The following PPP1CC variants were observed in gnomAD, a reference collection of about 807,000 sequenced individuals.
PPP1CC encodes serine/threonine-protein phosphatase PP1-gamma catalytic subunit.
In PPP1CC, 16 loss-of-function variants were observed where a neutral mutation model predicts 38.4. The observed-to-expected ratio is 0.42, with a 90% CI of 0.28 to 0.63. PPP1CC has a LOEUF of 0.63. PPP1CC is among the 30% of genes least tolerant of loss of function. PPP1CC has a pLI of 0.25. For synonymous variants in PPP1CC, 158 were observed against 136.0 expected, an observed-to-expected ratio of 1.16 and a Z score of -1.13; for missense variants, 170 against 391.3, an observed-to-expected ratio of 0.43 and a Z score of 4.77.
At chr12:110,708,435 T>C in the PPP1CC span, among the ~76,000 whole-genome samples, 1 of 152,120 alleles carries the variant, frequency 6.6e-6, no homozygotes, top group Non-Finnish European at 1.5e-5. Context: ...ACAATGAAAA[T>C]ATTACAGTTA....
chr12:110,721,341 C>T (rs967948543), intron 6 of PPP1CC, 176 bp from the exon 7 acceptor site: 12 of 534,982 alleles, frequency 2.2e-5, no homozygotes, highest in South Asian at 6.9e-5. Context: ...TGGTAATTAA[C>T]GCTATGACGA....
intron 1 of PPP1CC, among the ~76,000 whole-genome samples, chr12:110,736,097 AAAACAAAC>A (rs140070828): frequency 1.3e-5 from 2 of 150,308 alleles, no homozygotes; most frequent in African/African-American, 4.9e-5. Flanking sequence ...ACTCCGTCTC[AAAACAAAC>A]AAACAAACAA....
At chr12:110,709,653 C>G in the PPP1CC span, among the ~76,000 whole-genome samples, 1 of 151,106 alleles carries the variant, frequency 6.6e-6, no homozygotes, top group African/African-American at 2.4e-5. Flanking sequence ...TTGCCTCCCT[C>G]GTTCAAGTGA....
intron 1 of PPP1CC, among the ~76,000 whole-genome samples, chr12:110,742,373 G>C (rs1389916322): frequency 6.6e-6 from 1 of 152,154 alleles, no homozygotes; most frequent in Non-Finnish European, 1.5e-5. Context: ...GAAACGTGGG[G>C]GTGGGGAGCG....
At chr12:110,713,434 T>C in the PPP1CC span, among the ~76,000 whole-genome samples, 2 of 152,140 alleles carry the variant, frequency 1.3e-5, no homozygotes, top group Admixed American at 6.5e-5. Context: ...TGCCTGGCCA[T>C]GTGTTGACTT....
In PPP1CC at chr12:110,722,976, T is replaced by C. The variant is rs1016385387; in HGVS notation, c.524-281A>G. On this transcript the variant is annotated intron_variant, in intron 4 of 6. Transcript: ENST00000335007. The surrounding 1 kb of genome is among the most constrained non-coding windows in gnomAD (Gnocchi z 5.4). ...CAGAACACTGTAAAATAAAATCCAGTGATTTAAAAAACTCTTCTATGGGCT... is the reference window on the plus strand; with the variant it reads ...CAGAACACTGTAAAATAAAATCCAGCGATTTAAAAAACTCTTCTATGGGCT... Among the ~76,000 whole-genome samples, 10 of 152,352 alleles carry C rather than the reference T, an allele frequency of 6.6e-5. No homozygotes were observed. Among genetic ancestry groups the C allele is most frequent in the African/African-American group, 2.2e-4 (9 of 41,580 alleles).
intron 3 of PPP1CC, 49 bp from the exon 4 acceptor site, chr12:110,724,813 C>T (rs891359698): frequency 2.2e-5 from 25 of 1,120,276 alleles, no homozygotes; most frequent in Non-Finnish European, 3.4e-5. Context: ...ATTACTGTTC[C>T]GTAGGCTCAT....
chr12:110,722,322 A>C lies in PPP1CC; in HGVS notation c.748-53T>G. 1 of 1,597,400 alleles carries C rather than the reference A, an allele frequency of 6.3e-7. No homozygotes were observed. Among genetic ancestry groups the C allele is most frequent in the Non-Finnish European group, 8.6e-7 (1 of 1,168,244 alleles). ...ATAGGTGCAAATATTAGGTGAGTAA[A>C]ACCATGTTTCAGTTTCCCATTGAGC... is the stretch of plus-strand genomic sequence containing the variant. On this transcript the variant is annotated intron_variant, in intron 5 of 6. Transcript: ENST00000335007. The surrounding 1 kb of genome is among the most constrained non-coding windows in gnomAD (Gnocchi z 5.4).
rs76017463 is a variant in PPP1CC, at chr12:110,720,777, T to C, written c.*299A>G. On this transcript the variant is annotated 3_prime_UTR_variant, in exon 7 of 7. Transcript: ENST00000335007. ...GTACTGAATTAAAAAAGATCAATTG[T>C]ACACTTACTCCTCAGACAGGATAAA... 8.0e-3 allele frequency: 2,103 copies of C among 263,218 alleles called. 13 individuals are homozygous for C. The highest frequency in any genetic ancestry group is 0.012 in the Admixed American group (236 of 20,220). 16.3% of individuals were successfully genotyped at this position (263,218 alleles called of 1,614,324 possible).
chr12:110,725,069 A>C (rs1243014874), intron 3 of PPP1CC: 4 of 188,010 alleles, frequency 2.1e-5, no homozygotes, highest in Non-Finnish European at 2.2e-5. Flanking sequence ...TTAAAGAAAG[A>C]CTCTCCTAGA....
intron 1 of PPP1CC, chr12:110,732,194 C>T (rs1319764197): frequency 3.2e-5 from 15 of 470,664 alleles, no homozygotes; most frequent in East Asian, 1.3e-4. Context: ...CAATGGCTCA[C>T]GCTTGTAATC....
chr12:110,732,991 T>A (rs544997976), intron 1 of PPP1CC: 2 of 152,036 alleles, frequency 1.3e-5, no homozygotes, highest in Admixed American at 1.3e-4. Flanking sequence ...GATAAAAATA[T>A]TATACAACAA....
At chr12:110,716,647 C>T (rs893228489), downstream of PPP1CC, among the ~76,000 whole-genome samples, 1 of 152,170 alleles carries the variant, frequency 6.6e-6, no homozygotes, top group African/African-American at 2.4e-5. Flanking sequence ...AGCCACTGCA[C>T]CCAGCCTAGT....
At chr12:110,715,827 C>T (rs1593567295), downstream of PPP1CC, among the ~76,000 whole-genome samples, 3 of 151,496 alleles carry the variant, frequency 2.0e-5, no homozygotes. Context: ...CTCCATGTTG[C>T]CCAGTCTGGT....
chr12:110,732,716 G>A (rs1401743141), intron 1 of PPP1CC: 1 of 152,196 alleles, frequency 6.6e-6, no homozygotes, highest in Non-Finnish European at 1.5e-5. Context: ...AGATAATAAT[G>A]GGAGAAAGAA....
At chr12:110,717,618 G>A (rs556736538), downstream of PPP1CC, among the ~76,000 whole-genome samples, 2 of 151,696 alleles carry the variant, frequency 1.3e-5, no homozygotes, top group African/African-American at 4.8e-5. Context: ...GGATGGTCTC[G>A]ATCTCCTGAC....
chr12:110,724,776 AAG>A lies in PPP1CC; in HGVS notation c.419-14_419-13del, dbSNP rs746568040. 6.8e-6 allele frequency: 10 copies of A among 1,463,652 alleles called. No individual in the cohort carries two copies. The highest frequency in any genetic ancestry group is 2.8e-5 in the African/African-American group (2 of 71,842). The allele number at this position is 1,463,652 out of a possible 1,614,324, so 90.7% of individuals were successfully genotyped here. ...GTATCTTCTTTTACCTGTGATTAAAAAGAGAGTATTACATTAAAAAGAGAGTA... is the reference window on the plus strand; with the variant it reads ...GTATCTTCTTTTACCTGTGATTAAAAAGAGTATTACATTAAAAAGAGAGTA... On this transcript the variant is annotated splice_polypyrimidine_tract_variant and intron_variant, in intron 3 of 6. Transcript: ENST00000335007.
At chr12:110,740,044 G>C (rs1286036890) in intron 1 of PPP1CC, among the ~76,000 whole-genome samples, 1 of 152,156 alleles carries the variant, frequency 6.6e-6, no homozygotes, top group African/African-American at 2.4e-5. Flanking sequence ...GAGAAGAAAA[G>C]AACTGCAAAG....
At chr12:110,725,047 G>A in intron 3 of PPP1CC, 1 of 212,162 alleles carries the variant, frequency 4.7e-6, no homozygotes, top group Non-Finnish European at 9.6e-6. Context: ...AACATAGTGA[G>A]ACCCCATCTC....
Sources: allele counts gnomAD v4.1 joint callset (sites outside exome capture counted in the v4.1 genomes callset), GRCh38; gene constraint gnomAD v4.1.1; non-coding constraint Gnocchi (gnomAD v3.1); transcripts MANE v1.5; gene names NCBI Gene and HGNC (gene_info 2026-07-23, HGNC 2026-07-21).